AXIN1: variants seen among roughly 807,000 people sequenced by gnomAD.
AXIN1 encodes the protein axin 1.
Under a neutral mutation model 76.4 loss-of-function variants are expected in AXIN1, and 30 were observed. That is an observed-to-expected ratio of 0.39 (90% CI 0.29 to 0.53). The LOEUF (loss-of-function observed/expected upper bound fraction) is 0.53, where lower values mean the gene tolerates loss of function less well. Among genes scored for constraint, AXIN1 ranks in the 20% least tolerant of loss-of-function variants. The pLI is 0.66. For missense variants in AXIN1, 1,140 were observed against 1,198.8 expected (o/e 0.95, Z 0.72); for synonymous variants, 545 against 501.4 (o/e 1.09, Z -1.16).
chr16:348,373 C>A (rs1468216643), intron 1 of AXIN1, among the ~76,000 whole-genome samples: 1 of 152,234 alleles, frequency 6.6e-6, no homozygotes, highest in Non-Finnish European at 1.5e-5. Flanking sequence ...CCAGGACCAA[C>A]TGAAGGGGGA....
In AXIN1 at chr16:304,312, C is replaced by A. The variant is rs1432410713; in HGVS notation, c.1246G>T (p.Val416Leu). ...EEKLEERLKR[V>L]RMEEEGEDGD... Reference sequence around the variant, plus strand: ...CGACGCGGCCCACTCACCATGCGCACGCGCTTCAGCCGCTCCTCCAGCTTC... The same window carrying A: ...CGACGCGGCCCACTCACCATGCGCAAGCGCTTCAGCCGCTCCTCCAGCTTC... The change falls in exon 5 of 11, where the codon GTG (valine) becomes TTG (leucine). Residue 416 changes from valine (V) to leucine (L), a missense_variant. Physicochemically the swap from Val to Leu is conservative, Grantham distance 32. Coordinates refer to ENST00000262320, the MANE Select transcript of AXIN1 (RefSeq NM_003502.4). 1 of 1,611,306 alleles carries A rather than the reference C, an allele frequency of 6.2e-7. No homozygotes were observed. The highest frequency in any genetic ancestry group is 8.5e-7 in the Non-Finnish European group (1 of 1,179,404).
intron 2 of AXIN1, among the ~76,000 whole-genome samples, chr16:339,375 G>A (rs1298297319): frequency 6.6e-6 from 1 of 150,378 alleles, no homozygotes; most frequent in African/African-American, 2.5e-5. Context: ...GCCGGGCGTG[G>A]TGACACGCGC....
chr16:328,741 T>C (rs1172368078), intron 2 of AXIN1, among the ~76,000 whole-genome samples: 1 of 152,068 alleles, frequency 6.6e-6, no homozygotes, highest in Admixed American at 6.6e-5. Context: ...AACAGCATAT[T>C]CACAGGAACC....
intron 10 of AXIN1, among the ~76,000 whole-genome samples, chr16:289,099 C>T (rs1210721465): frequency 2.1e-4 from 30 of 145,460 alleles, no homozygotes; most frequent in Admixed American, 4.1e-4. Context: ...TTTTTTTGGG[C>T]GGGGGTAGAG....
In AXIN1 at chr16:346,834, C is replaced by A. The variant is rs779104449; in HGVS notation, c.192G>T (p.Ser64=). The change falls in exon 2 of 11, where the codon TCG becomes TCT. Residue 64 remains serine, a synonymous_variant. Coordinates refer to ENST00000262320, the MANE Select transcript of AXIN1 (RefSeq NM_003502.4). The part of the protein sequence containing the change: ...GETSTATPRR[S]DLDLGYEPEG... Reference sequence around the variant, plus strand: ...CAGGCTCATACCCCAGGTCCAGATCCGAGCGCCTCGGAGTGGCCGTCGAAG... The same window carrying A: ...CAGGCTCATACCCCAGGTCCAGATCAGAGCGCCTCGGAGTGGCCGTCGAAG... 6.2e-7 allele frequency: 1 copy of A among 1,613,512 alleles called. No individual in the cohort carries two copies. Among genetic ancestry groups the A allele is most frequent in the Non-Finnish European group, 8.5e-7 (1 of 1,179,496 alleles).
chr16:332,381 T>G (rs1003700229), intron 2 of AXIN1, among the ~76,000 whole-genome samples: 5 of 151,440 alleles, frequency 3.3e-5, no homozygotes, highest in African/African-American at 9.7e-5. Context: ...ATGGAGACCA[T>G]CCTGGCTAAC....
At chr16:321,039 C>CA (rs1468804473) in intron 2 of AXIN1, among the ~76,000 whole-genome samples, 3 of 152,098 alleles carry the variant, frequency 2.0e-5, no homozygotes, top group East Asian at 1.9e-4. Context: ...CGCCTGCCCA[C>CA]AAAAAATGTT....
In AXIN1 at chr16:293,555, G is replaced by A. The variant is rs774052762; in HGVS notation, c.2119C>T (p.Leu707=). The A allele has an allele frequency of 1.2e-6, 2 of 1,611,890 alleles. No individual in the cohort carries two copies. The highest frequency in any genetic ancestry group is 2.7e-5 in the African/African-American group (2 of 74,904). Residue 707 remains leucine (L), a synonymous_variant, in exon 8 of 11, where the codon CTG becomes TTG. Transcript: ENST00000262320. The surrounding 1 kb of genome is among the most constrained non-coding windows in gnomAD (Gnocchi z 4.6). ...PHPAPNPLTQ[L]EEARRRLEEE... is the part of the protein sequence containing the mutation. Reference sequence around the variant, plus strand: ...TCCAGACGTCGGCGCGCCTCCTCCAGCTGGGTTAGGGGGTTGGGAGCTGGG... The same window carrying A: ...TCCAGACGTCGGCGCGCCTCCTCCAACTGGGTTAGGGGGTTGGGAGCTGGG...
At chr16:314,474 A>G in intron 3 of AXIN1, 69 bp downstream of exon 3, 1 of 1,605,140 alleles carries the variant, frequency 6.2e-7, no homozygotes. Context: ...TCCTCAAGGG[A>G]CAAGGTGTCT....
intron 1 of AXIN1, among the ~76,000 whole-genome samples, chr16:351,241 C>G (rs546287440): frequency 9.2e-5 from 14 of 152,112 alleles, no homozygotes; most frequent in African/African-American, 3.1e-4. Flanking sequence ...GCTCGAGATT[C>G]TTCCTGAAGA....
chr16:306,898 T>C (rs983346361), intron 4 of AXIN1, among the ~76,000 whole-genome samples: 2 of 152,134 alleles, frequency 1.3e-5, no homozygotes, highest in Non-Finnish European at 2.9e-5. Context: ...TGTGGGCCGG[T>C]GTGTCCGGGT....
intron 4 of AXIN1, among the ~76,000 whole-genome samples, chr16:305,699 A>G (rs911307948): frequency 1.3e-5 from 2 of 151,848 alleles, no homozygotes; most frequent in Non-Finnish European, 2.9e-5. Flanking sequence ...GCCTGCCACC[A>G]TGCCCGGCTA....
intron 3 of AXIN1, among the ~76,000 whole-genome samples, chr16:312,057 G>T (rs567484070): frequency 2.8e-4 from 42 of 152,302 alleles, no homozygotes; most frequent in African/African-American, 9.4e-4. Context: ...TTGCCTCGGG[G>T]TTTGTTGAAG....
At chr16:296,881 G>A (rs2052724699) in intron 7 of AXIN1, among the ~76,000 whole-genome samples, 175 bp downstream of exon 7, 2 of 152,122 alleles carry the variant, frequency 1.3e-5, no homozygotes. Context: ...CTGGAGACGT[G>A]GGGCCCAGGG....
At chr16:295,805 A>G (rs1219828679) in intron 7 of AXIN1, among the ~76,000 whole-genome samples, 2 of 151,686 alleles carry the variant, frequency 1.3e-5, no homozygotes, top group African/African-American at 4.9e-5. Flanking sequence ...GGTCTCTACT[A>G]AAAATACAAA....
In AXIN1 at chr16:346,647, G is replaced by T; in HGVS notation, c.379C>A (p.Leu127Met). The T allele has an allele frequency of 6.3e-7, 1 of 1,577,334 alleles. No homozygotes were observed. Among genetic ancestry groups the T allele is most frequent in the Non-Finnish European group, 8.6e-7 (1 of 1,162,390 alleles). ...TCCTCGTTCGAGTCACAGGGCTCCA[G>T]CTTCCTGAAGCCAGTGCAGGCAAAC... ...FWFACTGFRK[L>M]EPCDSNEEKR... Residue 127 changes from leucine to methionine, a missense_variant, in exon 2 of 11, where the codon CTG becomes ATG. Physicochemically the swap from Leu to Met is conservative, Grantham distance 15. Coordinates refer to ENST00000262320, the MANE Select transcript of AXIN1 (RefSeq NM_003502.4).
chr16:348,118 G>A (rs572351731), intron 1 of AXIN1, among the ~76,000 whole-genome samples: 1 of 152,322 alleles, frequency 6.6e-6, no homozygotes, highest in East Asian at 1.9e-4. Context: ...GTGCAAAAGA[G>A]AGTAGATAAG....
intron 2 of AXIN1, among the ~76,000 whole-genome samples, chr16:333,770 C>A (rs1003131801): frequency 2.6e-5 from 4 of 152,148 alleles, no homozygotes; most frequent in Admixed American, 2.6e-4. Flanking sequence ...GAGCGCATAA[C>A]ACCAGTACCA....
intron 2 of AXIN1, among the ~76,000 whole-genome samples, chr16:319,602 C>T (rs1434601571): frequency 1.3e-5 from 2 of 152,164 alleles, no homozygotes; most frequent in East Asian, 3.8e-4. Context: ...AGAAGGTCTC[C>T]CCTGCCCAGG....
Sources: gnomAD v4.1 joint callset for allele counts (sites outside exome capture counted in the v4.1 genomes callset) on GRCh38, gnomAD v4.1.1 for gene constraint, Gnocchi (gnomAD v3.1) non-coding constraint, MANE v1.5 for transcripts, NCBI Gene and HGNC (gene_info 2026-07-23, HGNC 2026-07-21) for gene names.